The following OSBPL5 variants were observed in gnomAD, a reference collection of about 807,000 sequenced individuals.
The protein encoded by OSBPL5 is oxysterol binding protein like 5.
In OSBPL5, 71 loss-of-function variants were observed where a neutral mutation model predicts 111.2. The ratio of observed to expected loss-of-function variants is 0.64; its 90% CI spans 0.53 to 0.78. OSBPL5 has a LOEUF of 0.78. Ranked by LOEUF, OSBPL5 falls within the 30% of genes least tolerant of loss-of-function variation. The pLI is 0.00. For synonymous variants in OSBPL5, 549 were observed against 513.9 expected (o/e 1.07, Z -0.93); for missense variants, 1,210 against 1,189.3 (o/e 1.02, Z -0.26).
In OSBPL5 at chr11:3,146,875, C is replaced by T. The variant is rs1406122008; in HGVS notation, c.-21-17706G>A. 6.6e-6 allele frequency among the ~76,000 whole-genome samples: 1 copy of T among 152,204 alleles called. No individual in the cohort carries two copies. The highest frequency in any genetic ancestry group is 1.5e-5 in the Non-Finnish European group (1 of 68,032). On this transcript the variant is annotated intron_variant, in intron 1 of 21. Transcript: ENST00000263650. This position sits in a 1 kb window ranked among gnomAD's most constrained non-coding sequence, Gnocchi z 7.8. ...GCTGGCGTTTCTATTTATGATTCGC[C>T]TCTCACGCCCCTTCCCAGCACACCC...
chr11:3,126,571 G>C lies in OSBPL5; in HGVS notation c.137-16C>G. ...ATGTCCTTCCCTGCAAGAGAGCAGT[G>C]GGAGTGAGGACCCAGGCATGGTGGC... is the stretch of plus-strand genomic sequence containing the variant. On this transcript the variant is annotated splice_polypyrimidine_tract_variant and intron_variant, in intron 2 of 21. Coordinates refer to ENST00000263650, the MANE Select transcript of OSBPL5 (RefSeq NM_020896.4). The surrounding 1 kb of genome is among the most constrained non-coding windows in gnomAD (Gnocchi z 6.5). The C allele has an allele frequency of 6.2e-7, 1 of 1,602,376 alleles. No homozygotes were observed. Among genetic ancestry groups the C allele is most frequent in the Non-Finnish European group, 8.5e-7 (1 of 1,175,886 alleles).
chr11:3,102,049 G>T (rs994207834), intron 12 of OSBPL5, 134 bp downstream of exon 12: 1 of 829,546 alleles, frequency 1.2e-6, no homozygotes, highest in Non-Finnish European at 1.9e-6. Context: ...CTTCCGGTGT[G>T]CAGGATGTGG....
intron 1 of OSBPL5, among the ~76,000 whole-genome samples, chr11:3,160,507 C>G (rs1846925414): frequency 6.6e-6 from 1 of 152,208 alleles, no homozygotes; most frequent in Non-Finnish European, 1.5e-5. Flanking sequence ...GAATGGGACC[C>G]ACAGCGGCGC....
chr11:3,112,951 G>T (rs1010759802), intron 7 of OSBPL5, among the ~76,000 whole-genome samples: 21 of 152,044 alleles, frequency 1.4e-4, no homozygotes, highest in African/African-American at 1.9e-4. Context: ...GAAAGTCTAA[G>T]ACAGGAAAAA....
rs1262783870 is a variant in OSBPL5 at position 3,130,702 on chromosome 11, G to A, written c.-21-1533C>T. Among the ~76,000 whole-genome samples the A allele has an allele frequency of 4.6e-5, 7 of 152,218 alleles. No individual in the cohort carries two copies. The highest frequency in any genetic ancestry group is 7.3e-5 in the Non-Finnish European group (5 of 68,030). On this transcript the variant is annotated intron_variant, in intron 1 of 21. Coordinates refer to ENST00000263650, the MANE Select transcript of OSBPL5 (RefSeq NM_020896.4). The surrounding 1 kb of genome is among the most constrained non-coding windows in gnomAD (Gnocchi z 4.5). The stretch of plus-strand genomic sequence containing the variant: ...CACAGAGCTAACAATCAGCAATGCC[G>A]TCCTTAAGCCAGGTGGAACCGATCC...
intron 1 of OSBPL5, among the ~76,000 whole-genome samples, chr11:3,153,340 G>T (rs1846649121): frequency 6.6e-6 from 1 of 152,104 alleles, no homozygotes; most frequent in Non-Finnish European, 1.5e-5. Flanking sequence ...GCAGGAAGAG[G>T]GTTCCAGTGT....
intron 7 of OSBPL5, among the ~76,000 whole-genome samples, chr11:3,116,833 C>CT (rs1419300163): frequency 1.6e-5 from 2 of 121,842 alleles, no homozygotes; most frequent in East Asian, 4.8e-4. Flanking sequence ...CCAGTCTGGG[C>CT]AACAGAGTGA....
At position 3,093,554 on chromosome 11, in the gene OSBPL5, T is replaced by A. The variant is rs767261460; in HGVS notation, c.1919A>T (p.Glu640Val). Residue 640 changes from glutamate to valine, a missense_variant, in exon 17 of 22, where the codon GAG (glutamate) becomes GTG (valine). Physicochemically the swap from Glu to Val is moderately radical, Grantham distance 121. Coordinates refer to ENST00000263650, the MANE Select transcript of OSBPL5 (RefSeq NM_020896.4). The part of the protein sequence containing the change: ...QRLRQHTVPL[E>V]EQTELESERL... ...CTCGGACTCCAGCTCCGTCTGCTCC[T>A]CCAGCGGCACCGTGTGCTGCCTCAG... is the stretch of plus-strand genomic sequence containing the variant. 6.2e-7 allele frequency: 1 copy of A among 1,611,104 alleles called. No homozygotes were observed. The highest frequency in any genetic ancestry group is 1.1e-5 in the South Asian group (1 of 91,084).
At position 3,126,158 on chromosome 11, in the gene OSBPL5, C is replaced by T. The variant is rs538653632; in HGVS notation, c.219+315G>A. Among the ~76,000 whole-genome samples the T allele has an allele frequency of 7.2e-5, 11 of 152,288 alleles. 1 individual carries two copies. The highest frequency in any genetic ancestry group is 5.9e-4 in the Admixed American group (9 of 15,296). ...GACAATTTTGAGAGTTCTATATTAT[C>T]CTGGAATTACCATGTGACCTAGCAA... On this transcript the variant is annotated intron_variant, in intron 3 of 21. Coordinates refer to ENST00000263650, the MANE Select transcript of OSBPL5 (RefSeq NM_020896.4). The surrounding 1 kb of genome is among the most constrained non-coding windows in gnomAD (Gnocchi z 6.5).
In OSBPL5 at chr11:3,100,196, T is replaced by C. The variant is rs889761387; in HGVS notation, c.1583A>G (p.Glu528Gly). ...GTAGGGCATGGTAAGGGTGTAATCC[T>C]CGGCTCGGTTCAGGAAGGTGAGCGT... The part of the protein sequence containing the change: ...KATLTFLNRA[E>G]DYTLTMPYAH... Residue 528 changes from glutamate (E) to glycine (G), a missense_variant, in exon 14 of 22, where the codon GAG becomes GGG. Physicochemically the swap from Glu to Gly is moderately conservative, Grantham distance 98. Coordinates refer to ENST00000263650, the MANE Select transcript of OSBPL5 (RefSeq NM_020896.4). 4 of 1,614,128 alleles carry C rather than the reference T, an allele frequency of 2.5e-6. No individual in the cohort carries two copies. Among genetic ancestry groups the C allele is most frequent in the Non-Finnish European group, 3.4e-6 (4 of 1,180,030 alleles).
chr11:3,156,403 C>T (rs1390662170), intron 1 of OSBPL5, among the ~76,000 whole-genome samples: 1 of 152,162 alleles, frequency 6.6e-6, no homozygotes, highest in African/African-American at 2.4e-5. Flanking sequence ...GACTCTAACA[C>T]GATCAGAAAG....
intron 1 of OSBPL5, among the ~76,000 whole-genome samples, chr11:3,150,232 G>A (rs750226305): frequency 5.3e-5 from 8 of 152,162 alleles, no homozygotes; most frequent in Non-Finnish European, 1.0e-4. Context: ...AGTTGCCCTC[G>A]GGAGCCAGGG....
Position 3,119,821 on chromosome 11 carries a change from G to T in OSBPL5, c.607-190C>A, listed in dbSNP as rs537857142. The T allele has an allele frequency of 4.5e-5, 24 of 537,862 alleles. No homozygotes were observed. In the South Asian group the frequency reaches 5.9e-4, roughly 13 times the overall value. The allele number at this position is 537,862 out of a possible 1,614,324, so 33.3% of individuals were successfully genotyped here. ...TGCAGAGAGGCGGGTAGGTGGGGGA[G>T]CTCTGTCCCCTTTCTTAGCTGGCAG... On this transcript the variant is annotated intron_variant, in intron 6 of 21. Transcript: ENST00000263650.
intron 1 of OSBPL5, among the ~76,000 whole-genome samples, chr11:3,147,089 C>G (rs1211359847): frequency 6.6e-6 from 1 of 152,002 alleles, no homozygotes; most frequent in Non-Finnish European, 1.5e-5. Flanking sequence ...CTTCACTTTT[C>G]CCCAAGGCAG....
intron 14 of OSBPL5, 133 bp downstream of exon 14, chr11:3,100,018 CAAAAAAA>C: frequency 2.2e-6 from 1 of 451,368 alleles, no homozygotes; most frequent in South Asian, 2.6e-5. Flanking sequence ...AACTCCATCT[CAAAAAAA>C]AAAAAAAAAA....
rs1254987443 is a variant in OSBPL5, at chr11:3,109,154, C to G, written c.692-1209G>C. Among the ~76,000 whole-genome samples, 1 of 152,032 alleles carries G rather than the reference C, an allele frequency of 6.6e-6. No individual in the cohort carries two copies. Among genetic ancestry groups the G allele is most frequent in the African/African-American group, 2.4e-5 (1 of 41,368 alleles). ...CCAGGCTGGAGTGCAGTAGGGTGAT[C>G]TCAGCTCGCTGCAACCTCTGACTCC... On this transcript the variant is annotated intron_variant, in intron 7 of 21. Coordinates refer to ENST00000263650, the MANE Select transcript of OSBPL5 (RefSeq NM_020896.4). This position sits in a 1 kb window ranked among gnomAD's most constrained non-coding sequence, Gnocchi z 7.4.
intron 7 of OSBPL5, among the ~76,000 whole-genome samples, chr11:3,111,995 A>ATG (rs74184684): frequency 2.1e-5 from 3 of 145,276 alleles, no homozygotes; most frequent in African/African-American, 7.9e-5. Flanking sequence ...ATGTGTGTGC[A>ATG]TGTGTGTGTG....
chr11:3,111,298 G>A (rs1857919008), intron 7 of OSBPL5, among the ~76,000 whole-genome samples: 1 of 152,046 alleles, frequency 6.6e-6, no homozygotes, highest in African/African-American at 2.4e-5. Context: ...GACGATGGAA[G>A]GCAGGTAACT....
chr11:3,103,880 G>GC (rs1564830843), intron 10 of OSBPL5, among the ~76,000 whole-genome samples: 3 of 22,038 alleles, frequency 1.4e-4, no homozygotes, highest in African/African-American at 4.2e-4. Flanking sequence ...TCCTGCCTCT[G>GC]TAGCCCCATT....
Sources: allele counts gnomAD v4.1 joint callset (sites outside exome capture counted in the v4.1 genomes callset), GRCh38; gene constraint gnomAD v4.1.1; non-coding constraint Gnocchi (gnomAD v3.1); transcripts MANE v1.5; gene names NCBI Gene and HGNC (gene_info 2026-07-23, HGNC 2026-07-21).